The following FAF1 variants were observed in gnomAD, a reference collection of about 807,000 sequenced individuals.
FAF1 encodes Fas associated factor 1, also known as FAS-associated factor 1.
In FAF1, 25 loss-of-function variants were observed where a neutral mutation model predicts 92.5. The ratio of observed to expected loss-of-function variants is 0.27; its 90% CI spans 0.20 to 0.38. The LOEUF (loss-of-function observed/expected upper bound fraction) is 0.38. Ranked by LOEUF, FAF1 falls within the 10% of genes least tolerant of loss-of-function variation. The probability of loss-of-function intolerance (pLI) is 1.00; values close to 1 mark genes in which losing one functional copy is unlikely to be tolerated. For missense variants in FAF1, 636 were observed against 793.3 expected, an observed-to-expected ratio of 0.80 and a Z score of 2.38; for synonymous variants, 234 against 273.2, an observed-to-expected ratio of 0.86 and a Z score of 1.42.
chr1:50,939,383 A>G (rs1048623433), intron 1 of FAF1, among the ~76,000 whole-genome samples: 1 of 152,238 alleles, frequency 6.6e-6, no homozygotes. Flanking sequence ...ACTGGTGTAT[A>G]GAAATGCTAC....
At chr1:50,814,275 A>G (rs138926590) in intron 2 of FAF1, among the ~76,000 whole-genome samples, 1,569 of 152,302 alleles carry the variant, frequency 0.01, 108 homozygotes, top group Admixed American at 0.096. Flanking sequence ...GCTGCATATT[A>G]TATGTACAGT....
chr1:50,802,932 G>A (rs570474284), intron 2 of FAF1, among the ~76,000 whole-genome samples: 10 of 152,256 alleles, frequency 6.6e-5, no homozygotes, highest in South Asian at 4.2e-4. Context: ...TCACACCATC[G>A]TACTGTTGAA....
At chr1:50,772,058 TA>T (rs1660793143) in intron 4 of FAF1, among the ~76,000 whole-genome samples, 1 of 152,160 alleles carries the variant, frequency 6.6e-6, no homozygotes, top group Non-Finnish European at 1.5e-5. Flanking sequence ...TGTAGGTAAG[TA>T]TAATAGTGAA....
chr1:50,721,442 C>T (rs1289744064), intron 6 of FAF1, among the ~76,000 whole-genome samples: 1 of 151,942 alleles, frequency 6.6e-6, no homozygotes, highest in Non-Finnish European at 1.5e-5. Context: ...CTCGATCTCA[C>T]GACCTCAGGA....
At chr1:50,891,054 C>G (rs1259933469) in intron 1 of FAF1, among the ~76,000 whole-genome samples, 2 of 152,112 alleles carry the variant, frequency 1.3e-5, no homozygotes, top group Admixed American at 6.5e-5. Flanking sequence ...AGACTTTGTT[C>G]ATTTATTTTT....
At chr1:50,644,007 C>T (rs949929172) in intron 8 of FAF1, among the ~76,000 whole-genome samples, 2 of 152,148 alleles carry the variant, frequency 1.3e-5, no homozygotes, top group Admixed American at 6.5e-5. Context: ...CTTTAAAGTC[C>T]ATGTCTGCCA....
chr1:50,758,135 C>T (rs991266350), intron 4 of FAF1, among the ~76,000 whole-genome samples: 1 of 152,194 alleles, frequency 6.6e-6, no homozygotes, highest in Non-Finnish European at 1.5e-5. Context: ...CCAGGCTGGT[C>T]TCAAACTCCT....
intron 1 of FAF1, among the ~76,000 whole-genome samples, chr1:50,945,936 A>C (rs966786555): frequency 5.3e-5 from 8 of 152,252 alleles, no homozygotes; most frequent in African/African-American, 1.7e-4. Flanking sequence ...TCAAGCAGAC[A>C]CAGTAAGCTT....
intron 1 of FAF1, among the ~76,000 whole-genome samples, chr1:50,903,195 CAAGTT>C (rs1327627324): frequency 1.3e-5 from 2 of 152,180 alleles, no homozygotes; most frequent in East Asian, 3.8e-4. Flanking sequence ...ACCTTTTGCT[CAAGTT>C]GTTTCCTATG....
At chr1:50,890,434 T>C (rs985231913) in intron 1 of FAF1, among the ~76,000 whole-genome samples, 2 of 152,230 alleles carry the variant, frequency 1.3e-5, no homozygotes, top group African/African-American at 4.8e-5. Context: ...TGCTCGTTAG[T>C]TGATGCAGTT....
chr1:50,878,848 C>T (rs968638200), intron 1 of FAF1, among the ~76,000 whole-genome samples: 6 of 152,160 alleles, frequency 3.9e-5, no homozygotes, highest in African/African-American at 1.2e-4. Flanking sequence ...AAGCAATGAG[C>T]CCAGAATCAC....
intron 8 of FAF1, among the ~76,000 whole-genome samples, chr1:50,647,986 C>T (rs919593766): frequency 1.1e-4 from 16 of 152,128 alleles, no homozygotes; most frequent in Admixed American, 3.9e-4. Flanking sequence ...TGGCTGGGCG[C>T]GGTGGCTCAC....
At chr1:50,471,814 C>A (rs908661707) in intron 18 of FAF1, among the ~76,000 whole-genome samples, 2 of 151,964 alleles carry the variant, frequency 1.3e-5, no homozygotes, top group Admixed American at 1.3e-4. Flanking sequence ...GTAGACAGAG[C>A]TCCTCTGAGG....
At chr1:50,566,411 G>C (rs1048045184) in intron 13 of FAF1, among the ~76,000 whole-genome samples, 3 of 152,020 alleles carry the variant, frequency 2.0e-5, no homozygotes, top group African/African-American at 4.8e-5. Context: ...GGGATGTTAC[G>C]GCCACATGTG....
intron 17 of FAF1, among the ~76,000 whole-genome samples, chr1:50,484,874 A>G (rs1646744898): frequency 6.8e-6 from 1 of 146,384 alleles, no homozygotes; most frequent in Non-Finnish European, 1.5e-5. Flanking sequence ...CAAACACCAC[A>G]TGTTCTCACT....
rs112150793 is a variant in FAF1 at position 50,457,472 on chromosome 1, A to G, written c.1870-15949T>C. On this transcript the variant is annotated intron_variant, in intron 18 of 18. Coordinates refer to ENST00000396153, the MANE Select transcript of FAF1 (RefSeq NM_007051.3). ...TGTGTTTACAATGGGGTTATTATACAGACTTTAAGTGAGCAAAGCGTGTCT... is the reference window on the plus strand; with the variant it reads ...TGTGTTTACAATGGGGTTATTATACGGACTTTAAGTGAGCAAAGCGTGTCT... Among the ~76,000 whole-genome samples, 195 of 152,350 alleles carry G rather than the reference A, an allele frequency of 1.3e-3. 1 individual carries two copies. Among genetic ancestry groups the G allele is most frequent in the African/African-American group, 4.4e-3 (182 of 41,580 alleles).
chr1:50,656,242 G>C (rs1238085678), intron 7 of FAF1, among the ~76,000 whole-genome samples: 2 of 151,448 alleles, frequency 1.3e-5, no homozygotes, highest in African/African-American at 4.9e-5. Context: ...TGAGGCAGGA[G>C]AATCGTTTGC....
intron 18 of FAF1, among the ~76,000 whole-genome samples, chr1:50,448,223 T>C (rs1026334323): frequency 6.6e-6 from 1 of 152,182 alleles, no homozygotes; most frequent in African/African-American, 2.4e-5. Flanking sequence ...TGTAAGTAGA[T>C]GGTGTCTATG....
chr1:50,822,751 TTTCTTTCTTTC>T (rs1557545108), intron 2 of FAF1, among the ~76,000 whole-genome samples: 7 of 142,750 alleles, frequency 4.9e-5, no homozygotes, highest in African/African-American at 5.4e-5. Flanking sequence ...GTGTTTTTTC[TTTCTTTCTTTC>T]TTTCTTTCTT....
Sources: gnomAD v4.1 joint callset for allele counts (sites outside exome capture counted in the v4.1 genomes callset) on GRCh38, gnomAD v4.1.1 for gene constraint, MANE v1.5 for transcripts, NCBI Gene and HGNC (gene_info 2026-07-23, HGNC 2026-07-21) for gene names.